APBA1: variants seen among roughly 807,000 people sequenced by gnomAD.
APBA1 encodes amyloid-beta A4 precursor protein-binding family A member 1.
A neutral mutation model predicts 86.6 loss-of-function variants in APBA1; 55 were observed. The ratio of observed to expected loss-of-function variants is 0.64; its 90% CI spans 0.51 to 0.80. The LOEUF is 0.80. Among genes scored for constraint, APBA1 ranks in the 30% least tolerant of loss-of-function variants. APBA1 has a pLI of 0.00. For missense variants in APBA1, 1,090 were observed against 1,183.0 expected (o/e 0.92, Z 1.15); for synonymous variants, 511 against 493.9 (o/e 1.03, Z -0.46).
intron 1 of APBA1, 107 bp from the exon 2 acceptor site, chr9:69,517,386 G>T: frequency 8.7e-7 from 1 of 1,151,162 alleles, no homozygotes; most frequent in Non-Finnish European, 1.1e-6. Flanking sequence ...TTTTAGTTCT[G>T]GGTCAATTAA....
At chr9:69,599,085 G>A (rs1822295182) in intron 1 of APBA1, among the ~76,000 whole-genome samples, 1 of 152,154 alleles carries the variant, frequency 6.6e-6, no homozygotes, top group Non-Finnish European at 1.5e-5. Context: ...GAAAGGGGAA[G>A]TTGTTTAACG....
intron 1 of APBA1, among the ~76,000 whole-genome samples, chr9:69,656,862 G>A (rs1411855223): frequency 1.4e-4 from 18 of 130,440 alleles, no homozygotes; most frequent in South Asian, 2.4e-4. Flanking sequence ...TTTTTGAGAC[G>A]GAGTCTCGCT....
intron 10 of APBA1, among the ~76,000 whole-genome samples, chr9:69,445,535 A>T (rs1834893012): frequency 6.6e-6 from 1 of 152,188 alleles, no homozygotes; most frequent in South Asian, 2.1e-4. Context: ...AATGGTCTCT[A>T]TAGCAACGGG....
intron 5 of APBA1, chr9:69,463,002 G>A (rs1835215949): frequency 6.6e-6 from 1 of 152,210 alleles, no homozygotes; most frequent in Non-Finnish European, 1.5e-5. Context: ...AGGTATATGG[G>A]GGCTCTCTGG....
intron 1 of APBA1, among the ~76,000 whole-genome samples, chr9:69,662,534 A>T (rs890674201): frequency 6.6e-6 from 1 of 152,236 alleles, no homozygotes; most frequent in Admixed American, 6.5e-5. Flanking sequence ...TCATCTGTAG[A>T]ACAAATTCTA....
At chr9:69,491,049 A>G (rs1398315537) in intron 2 of APBA1, among the ~76,000 whole-genome samples, 1 of 152,162 alleles carries the variant, frequency 6.6e-6, no homozygotes, top group Non-Finnish European at 1.5e-5. Flanking sequence ...CAGTGTGGCG[A>G]TTCCTCAAGG....
chr9:69,504,111 G>A (rs1835917636), intron 2 of APBA1, among the ~76,000 whole-genome samples: 1 of 151,990 alleles, frequency 6.6e-6, no homozygotes, highest in South Asian at 2.1e-4. Context: ...CAACATCATT[G>A]TGTTTCCTGA....
chr9:69,441,827 T>G (rs1243102031), intron 10 of APBA1, among the ~76,000 whole-genome samples: 1 of 152,066 alleles, frequency 6.6e-6, no homozygotes. Flanking sequence ...CCCTCTAAAT[T>G]AAAATGGAGC....
chr9:69,474,738 T>C (rs554273568), intron 3 of APBA1, among the ~76,000 whole-genome samples: 9 of 152,314 alleles, frequency 5.9e-5, no homozygotes, highest in African/African-American at 2.2e-4. Context: ...AAGGTCTATG[T>C]TTGTTTGTTT....
At chr9:69,569,404 A>G (rs1440514449) in intron 1 of APBA1, among the ~76,000 whole-genome samples, 1 of 151,360 alleles carries the variant, frequency 6.6e-6, no homozygotes, top group African/African-American at 2.4e-5. Flanking sequence ...TCTCCCCTGC[A>G]CCCTTCCCTT....
At chr9:69,594,249 G>A (rs900268340) in intron 1 of APBA1, among the ~76,000 whole-genome samples, 1 of 152,170 alleles carries the variant, frequency 6.6e-6, no homozygotes, top group African/African-American at 2.4e-5. Flanking sequence ...GGTAGGGGGT[G>A]TCTTTAAAAT....
intron 1 of APBA1, among the ~76,000 whole-genome samples, chr9:69,637,656 C>G (rs531110628): frequency 6.6e-6 from 1 of 152,218 alleles, no homozygotes; most frequent in Non-Finnish European, 1.5e-5. Flanking sequence ...GTTTGAATAA[C>G]AAGCACAACT....
chr9:69,638,755 T>C (rs185621809), intron 1 of APBA1, among the ~76,000 whole-genome samples: 2 of 152,332 alleles, frequency 1.3e-5, no homozygotes, highest in Admixed American at 1.3e-4. Context: ...TCTAGGCAAG[T>C]ATATGCAAAA....
intron 1 of APBA1, among the ~76,000 whole-genome samples, chr9:69,587,906 A>G (rs904143321): frequency 6.6e-6 from 1 of 151,876 alleles, no homozygotes; most frequent in East Asian, 1.9e-4. Flanking sequence ...GGTGCCTGTA[A>G]TCTCAGCTAC....
intron 1 of APBA1, among the ~76,000 whole-genome samples, chr9:69,592,268 A>G (rs773762702): frequency 5.1e-4 from 77 of 152,292 alleles, no homozygotes; most frequent in Non-Finnish European, 9.3e-4. Context: ...ATTCTTATGG[A>G]TCACAAAGCT....
intron 1 of APBA1, among the ~76,000 whole-genome samples, chr9:69,545,179 G>C (rs192907241): frequency 6.6e-6 from 1 of 152,350 alleles, no homozygotes; most frequent in Non-Finnish European, 1.5e-5. Context: ...CTTAGGAGTT[G>C]TGACTTAGCC....
At chr9:69,445,760 C>G (rs920544775) in intron 10 of APBA1, among the ~76,000 whole-genome samples, 2 of 152,190 alleles carry the variant, frequency 1.3e-5, no homozygotes, top group South Asian at 4.1e-4. Flanking sequence ...TAATTCTACT[C>G]TAGAAATTGA....
At chr9:69,451,573 A>G (rs1835010007) in intron 9 of APBA1, among the ~76,000 whole-genome samples, 1 of 152,022 alleles carries the variant, frequency 6.6e-6, no homozygotes, top group East Asian at 1.9e-4. Flanking sequence ...CCAGGCTTCC[A>G]ACCATTCCAT....
chr9:69,544,853 C>A (rs571817806), intron 1 of APBA1, among the ~76,000 whole-genome samples: 16 of 152,266 alleles, frequency 1.1e-4, no homozygotes, highest in Non-Finnish European at 1.8e-4. Flanking sequence ...CTCCACCCAC[C>A]CCCCTGCACC....
Sources: gnomAD v4.1 joint callset for allele counts (sites outside exome capture counted in the v4.1 genomes callset) on GRCh38, gnomAD v4.1.1 for gene constraint, MANE v1.5 for transcripts, NCBI Gene and HGNC (gene_info 2026-07-23, HGNC 2026-07-21) for gene names.